Variants in IQCK observed in about 807,000 individuals in gnomAD.
IQCK encodes IQ domain-containing protein K.
IQCK carries 29 observed loss-of-function variants against 28.1 expected under a neutral mutation model. The ratio of observed to expected loss-of-function variants is 1.03; its 90% confidence interval spans 0.77 to 1.41. IQCK has a LOEUF of 1.41. Among genes scored for constraint, IQCK ranks in the 40% most tolerant of loss-of-function variants. The pLI is 0.00. For synonymous variants in IQCK, 113 were observed against 115.1 expected, an observed-to-expected ratio of 0.98 and a Z score of 0.12; for missense variants, 359 against 314.7, an observed-to-expected ratio of 1.14 and a Z score of -1.07.
chr16:19,856,799 G>GATACGGCGACCA, exon 10 of IQCK: 2 of 464,206 alleles, frequency 4.3e-6, no homozygotes, highest in Admixed American at 3.9e-5. Context: ...CTTCTTCAGT[G>GATACGGCGACCA]CCTCAGGAGT....
At chr16:19,815,853 T>C (rs1286003187) in intron 7 of IQCK, among the ~76,000 whole-genome samples, 12 of 152,234 alleles carry the variant, frequency 7.9e-5, no homozygotes, top group Non-Finnish European at 2.9e-5. Flanking sequence ...TATAAGATCA[T>C]TGAAAAAGAT....
chr16:19,728,332 T>A (rs1977723671), intron 1 of IQCK, among the ~76,000 whole-genome samples: 1 of 152,142 alleles, frequency 6.6e-6, no homozygotes, highest in Non-Finnish European at 1.5e-5. Context: ...CACTGCAACC[T>A]CCACCTCCCT....
intron 7 of IQCK, among the ~76,000 whole-genome samples, chr16:19,822,987 T>C (rs1012457143): frequency 2.0e-5 from 3 of 152,220 alleles, no homozygotes; most frequent in African/African-American, 4.8e-5. Context: ...CCTCTATCAA[T>C]AGGGGATAGA....
At chr16:19,857,120 A>C (rs1458963935) in exon 10 of IQCK, 2 of 185,634 alleles carry the variant, frequency 1.1e-5, no homozygotes, top group African/African-American at 4.8e-5. Flanking sequence ...TAAGTCCCAA[A>C]GTATTATATA....
At chr16:19,777,945 C>T (rs1460250617) in intron 6 of IQCK, among the ~76,000 whole-genome samples, 3 of 152,098 alleles carry the variant, frequency 2.0e-5, no homozygotes, top group African/African-American at 7.2e-5. Context: ...TCCAGTTACT[C>T]CGGAGGCTGA....
At chr16:19,823,219 T>C (rs535108073) in intron 7 of IQCK, among the ~76,000 whole-genome samples, 2 of 152,118 alleles carry the variant, frequency 1.3e-5, no homozygotes, top group South Asian at 2.1e-4. Context: ...CCAGTGGTGA[T>C]CTGAAAAAGC....
At chr16:19,817,567 C>T (rs1490784029) in intron 7 of IQCK, among the ~76,000 whole-genome samples, 1 of 152,076 alleles carries the variant, frequency 6.6e-6, no homozygotes, top group Non-Finnish European at 1.5e-5. Context: ...CAGCAGAACC[C>T]TATGAACAAC....
intron 6 of IQCK, among the ~76,000 whole-genome samples, chr16:19,769,543 C>T (rs953956093): frequency 2.6e-5 from 4 of 152,110 alleles, no homozygotes; most frequent in Admixed American, 1.3e-4. Context: ...AGGATTTGGT[C>T]CAGTCACAGG....
At chr16:19,778,798 T>A (rs2055434233) in intron 6 of IQCK, among the ~76,000 whole-genome samples, 1 of 152,186 alleles carries the variant, frequency 6.6e-6, no homozygotes, top group Non-Finnish European at 1.5e-5. Flanking sequence ...AACAAAGGTT[T>A]TTCCTTTTAG....
At chr16:19,752,134 C>T (rs2054995125) in intron 4 of IQCK, among the ~76,000 whole-genome samples, 1 of 152,164 alleles carries the variant, frequency 6.6e-6, no homozygotes. Context: ...TTAAACCTTA[C>T]AGTTAGGTTG....
chr16:19,754,541 C>T (rs922628138), intron 4 of IQCK, among the ~76,000 whole-genome samples: 3 of 152,152 alleles, frequency 2.0e-5, no homozygotes, highest in African/African-American at 7.2e-5. Context: ...TATCAGGAAA[C>T]TGTTTCTAAC....
chr16:19,849,454 CT>C lies in IQCK; in HGVS notation c.803-7023del, dbSNP rs940500814. On this transcript the variant is annotated intron_variant, in intron 9 of 9. Transcript: ENST00000320394. ...AAAAATAAAAATTTTAAAAAGTAAA[CT>C]TTTTTTTTTCTTTAGAAAGGCAGGG... 7.7e-3 allele frequency among the ~76,000 whole-genome samples: 1,161 copies of C among 149,884 alleles called. 6 individuals carry two copies. The highest frequency in any genetic ancestry group is 0.032 in the Middle Eastern group (9 of 284).
chr16:19,735,556 C>T, intron 4 of IQCK, 106 bp downstream of exon 4: 1 of 925,176 alleles, frequency 1.1e-6, no homozygotes, highest in Non-Finnish European at 1.7e-6. Context: ...CCAGATGACC[C>T]CTTCGGGAGG....
chr16:19,803,837 G>A (rs1278089870), intron 7 of IQCK, among the ~76,000 whole-genome samples: 1 of 151,808 alleles, frequency 6.6e-6, no homozygotes, highest in African/African-American at 2.4e-5. Context: ...TGTAGAGATG[G>A]GGGTCTCACT....
rs371774502 is a variant in IQCK, at chr16:19,730,723, A to G, written c.246+229A>G. ...AGTTTCGGCGTTTGTCTGTCTATCT[A>G]TCTGTCTGTCTGTCTGTCTGTCTAT... On this transcript the variant is annotated intron_variant, in intron 2 of 7. Transcript: ENST00000564186. Among the ~76,000 whole-genome samples, 740 of 150,144 alleles carry G rather than the reference A, an allele frequency of 4.9e-3. 3 individuals are homozygous for G. Among genetic ancestry groups the G allele is most frequent in the African/African-American group, 0.013 (526 of 39,930 alleles).
intron 6 of IQCK, among the ~76,000 whole-genome samples, chr16:19,778,778 C>T (rs1020980677): frequency 1.3e-5 from 2 of 152,126 alleles, no homozygotes; most frequent in African/African-American, 4.8e-5. Flanking sequence ...AGAAGTCTTG[C>T]GAGTAGAGAA....
downstream of IQCK, among the ~76,000 whole-genome samples, chr16:19,830,250 A>G (rs2056213391): frequency 6.6e-6 from 1 of 152,224 alleles, no homozygotes; most frequent in Non-Finnish European, 1.5e-5. Flanking sequence ...GGCTGTAATC[A>G]GTTTAAAGGT....
chr16:19,827,102 A>G (rs2141091443), exon 8 of IQCK: 1 of 1,614,050 alleles, frequency 6.2e-7, no homozygotes, highest in Non-Finnish European at 8.5e-7. Context: ...ATTCACCAGC[A>G]AGTCAAAATT....
At chr16:19,857,527 T>C (rs1193302551) in exon 10 of IQCK, 1 of 405,692 alleles carries the variant, frequency 2.5e-6, no homozygotes. Flanking sequence ...TAAATATATA[T>C]TATCTATCAA....
Sources: allele counts gnomAD v4.1 joint callset (sites outside exome capture counted in the v4.1 genomes callset), GRCh38; gene constraint gnomAD v4.1.1; transcripts MANE v1.5; gene names NCBI Gene and HGNC (gene_info 2026-07-23, HGNC 2026-07-21).